The following SIPA1L1 variants were observed in gnomAD, a reference collection of about 807,000 sequenced individuals.
SIPA1L1 encodes the protein signal induced proliferation associated 1 like 1.
A neutral mutation model predicts 162.7 loss-of-function variants in SIPA1L1; 26 were observed. The ratio of observed to expected loss-of-function variants is 0.16; its 90% CI spans 0.12 to 0.22. SIPA1L1 has a LOEUF of 0.22. SIPA1L1 is among the 10% of genes least tolerant of loss of function. The pLI is 1.00. For missense variants in SIPA1L1, 1,874 were observed against 2,241.0 expected, an observed-to-expected ratio of 0.84 and a Z score of 3.31; for synonymous variants, 829 against 837.4, an observed-to-expected ratio of 0.99 and a Z score of 0.17.
intron 3 of SIPA1L1, among the ~76,000 whole-genome samples, chr14:71,525,189 CTTT>C (rs111372962): frequency 7.0e-6 from 1 of 142,708 alleles, no homozygotes; most frequent in Admixed American, 7.0e-5. Context: ...GCCCAACTGA[CTTT>C]TTTTTTTTTT....
intron 5 of SIPA1L1, among the ~76,000 whole-genome samples, chr14:71,600,249 ATATGTTTAT>A (rs549950733): frequency 1.5e-3 from 231 of 152,246 alleles, no homozygotes; most frequent in African/African-American, 5.2e-3. Flanking sequence ...GTTTCAGGTC[ATATGTTTAT>A]TATGTCTTTA....
chr14:71,691,519 G>A (rs771825790), intron 13 of SIPA1L1, among the ~76,000 whole-genome samples: 2 of 152,164 alleles, frequency 1.3e-5, no homozygotes, highest in Admixed American at 6.5e-5. Flanking sequence ...CCTGAGCCTG[G>A]GCATTTGAGG....
intron 6 of SIPA1L1, among the ~76,000 whole-genome samples, chr14:71,623,033 A>G (rs2039610245): frequency 1.3e-5 from 2 of 152,102 alleles, no homozygotes; most frequent in South Asian, 4.1e-4. Flanking sequence ...CCTCTATTTC[A>G]TGGCCATTTC....
chr14:71,522,774 A>G (rs532407275), intron 3 of SIPA1L1, among the ~76,000 whole-genome samples: 3 of 151,440 alleles, frequency 2.0e-5, no homozygotes, highest in South Asian at 2.1e-4. Flanking sequence ...GCTCACTGCA[A>G]CCTCTACCTC....
In SIPA1L1 at chr14:71,677,440, A is replaced by G. The variant is rs111482525; in HGVS notation, c.3104+4818A>G. Among the ~76,000 whole-genome samples, 151 of 152,206 alleles carry G rather than the reference A, an allele frequency of 9.9e-4. 1 individual carries two copies. The highest frequency in any genetic ancestry group is 1.9e-3 in the Non-Finnish European group (128 of 68,000). On this transcript the variant is annotated intron_variant, in intron 12 of 23. Transcript: ENST00000381232. ...CTGTAGGTTGCCTGTTCACTCTGAT[A>G]GTAGTTTATTTTGGTGTGCAGAAGC... is the stretch of plus-strand genomic sequence containing the variant.
chr14:71,714,524 A>G (rs1453420106), intron 17 of SIPA1L1, among the ~76,000 whole-genome samples: 1 of 152,136 alleles, frequency 6.6e-6, no homozygotes, highest in Non-Finnish European at 1.5e-5. Context: ...GAATTCATAC[A>G]ATTGTTTTAT....
At chr14:71,465,570 TCA>T (rs1317868501) in intron 2 of SIPA1L1, among the ~76,000 whole-genome samples, 1 of 152,238 alleles carries the variant, frequency 6.6e-6, no homozygotes, top group Non-Finnish European at 1.5e-5. Context: ...CCAAGGACTC[TCA>T]GTGTTATCTG....
chr14:71,329,818 A>G (rs776502076), intron 2 of SIPA1L1, among the ~76,000 whole-genome samples: 1 of 152,036 alleles, frequency 6.6e-6, no homozygotes, highest in African/African-American at 2.4e-5. Context: ...GTTGAGTTGT[A>G]GGAGTTCTTT....
At chr14:71,477,403 G>T (rs1197108520) in intron 2 of SIPA1L1, among the ~76,000 whole-genome samples, 1 of 152,096 alleles carries the variant, frequency 6.6e-6, no homozygotes, top group Non-Finnish European at 1.5e-5. Context: ...AAAAACGCGG[G>T]TGTCACTGTG....
At position 71,588,521 on chromosome 14, in the gene SIPA1L1, A is replaced by G; in HGVS notation, c.649A>G (p.Thr217Ala). The part of the protein sequence containing the change: ...GSTSSIDKQG[T>A]SGESFFDLLK... ...CACATCTTCAATTGATAAACAGGGA[A>G]CATCTGGAGAAAGCTTTTTTGATTT... is the stretch of plus-strand genomic sequence containing the variant. The change falls in exon 5 of 24, where the codon ACA becomes GCA. Residue 217 changes from threonine (T) to alanine (A), a missense_variant. This residue lies in a region of SIPA1L1 where 685 missense variants were observed against 828.0 expected (regional missense o/e 0.83). Coordinates refer to ENST00000381232, the MANE Select transcript of SIPA1L1 (RefSeq NM_001386936.1). This position sits in a 1 kb window ranked among gnomAD's most constrained non-coding sequence, Gnocchi z 4.3. 1 of 1,614,124 alleles carries G rather than the reference A, an allele frequency of 6.2e-7. No homozygotes were observed. The highest frequency in any genetic ancestry group is 8.5e-7 in the Non-Finnish European group (1 of 1,179,982).
chr14:71,580,305 G>A (rs1438446204), intron 4 of SIPA1L1, among the ~76,000 whole-genome samples: 3 of 152,134 alleles, frequency 2.0e-5, no homozygotes, highest in Non-Finnish European at 4.4e-5. Context: ...GCAGAAGGAG[G>A]ACTGTGAAAA....
chr14:71,483,208 C>G (rs2048481622), intron 2 of SIPA1L1, among the ~76,000 whole-genome samples: 1 of 152,100 alleles, frequency 6.6e-6, no homozygotes, highest in Non-Finnish European at 1.5e-5. Flanking sequence ...GTAGTTTACC[C>G]ACACCATGCA....
At position 71,558,053 on chromosome 14, in the gene SIPA1L1, A is replaced by T. The variant is rs187521221; in HGVS notation, c.-303+28683A>T. Among the ~76,000 whole-genome samples the T allele has an allele frequency of 1.1e-3, 171 of 152,294 alleles. 2 individuals are homozygous for T. Among genetic ancestry groups the T allele is most frequent in the African/African-American group, 4.0e-3 (167 of 41,564 alleles). On this transcript the variant is annotated intron_variant, in intron 4 of 23. Coordinates refer to ENST00000381232, the MANE Select transcript of SIPA1L1 (RefSeq NM_001386936.1). Reference sequence around the variant, plus strand: ...TGTTGGCATTCCAGGTGACATAGGTAAAAAAATATTTTATTGAATTTAAAG... The same window carrying T: ...TGTTGGCATTCCAGGTGACATAGGTTAAAAAATATTTTATTGAATTTAAAG...
intron 2 of SIPA1L1, among the ~76,000 whole-genome samples, chr14:71,489,561 G>T (rs2049060935): frequency 6.6e-6 from 1 of 152,064 alleles, no homozygotes; most frequent in Admixed American, 6.6e-5. Flanking sequence ...TGTGATTTAG[G>T]TGAGTCAGGA....
intron 9 of SIPA1L1, 42 bp downstream of exon 9, chr14:71,658,478 A>G (rs773016055): frequency 3.1e-6 from 4 of 1,279,126 alleles, no homozygotes; most frequent in South Asian, 2.4e-5. Context: ...CCCTTGTTTC[A>G]TTTCCTCTAG....
chr14:71,620,912 G>A (rs186476942), intron 6 of SIPA1L1, among the ~76,000 whole-genome samples: 1 of 152,110 alleles, frequency 6.6e-6, no homozygotes, highest in Non-Finnish European at 1.5e-5. Context: ...TGACTGAAAG[G>A]TTCAAGTCAA....
At chr14:71,408,809 G>A (rs2042207305) in intron 2 of SIPA1L1, among the ~76,000 whole-genome samples, 1 of 152,184 alleles carries the variant, frequency 6.6e-6, no homozygotes, top group Admixed American at 6.5e-5. Context: ...TTGAGGAAGG[G>A]AGTGAGCAGG....
At chr14:71,601,688 A>G (rs190596719) in intron 5 of SIPA1L1, among the ~76,000 whole-genome samples, 2 of 152,224 alleles carry the variant, frequency 1.3e-5, no homozygotes, top group African/African-American at 4.8e-5. Flanking sequence ...AGTTTGATAG[A>G]ATTCAACAGC....
chr14:71,335,809 A>G (rs972013377), intron 2 of SIPA1L1, among the ~76,000 whole-genome samples: 1 of 152,184 alleles, frequency 6.6e-6, no homozygotes, highest in African/African-American at 2.4e-5. Context: ...TTTTCATTGA[A>G]TTGGCTTACT....
Sources: gnomAD v4.1 joint callset for allele counts (sites outside exome capture counted in the v4.1 genomes callset) on GRCh38, gnomAD v4.1.1 for gene constraint, gnomAD v4.1.1 regional missense constraint, Gnocchi (gnomAD v3.1) non-coding constraint, MANE v1.5 for transcripts, NCBI Gene and HGNC (gene_info 2026-07-23, HGNC 2026-07-21) for gene names.